PKP3: variants seen among roughly 807,000 people sequenced by gnomAD.
The protein encoded by PKP3 is plakophilin-3.
PKP3 carries 66 observed loss-of-function variants against 76.5 expected under a neutral mutation model. The observed-to-expected ratio is 0.86, with a 90% CI of 0.71 to 1.06. The LOEUF (loss-of-function observed/expected upper bound fraction) is 1.06, where lower values mean the gene tolerates loss of function less well. Among genes scored for constraint, PKP3 ranks in the 50% least tolerant of loss-of-function variants. The pLI, the probability that PKP3 is intolerant of heterozygous loss-of-function variation, is 0.00. For missense variants in PKP3, 1,338 were observed against 1,141.0 expected (o/e 1.17, Z -2.49); for synonymous variants, 638 against 516.5 (o/e 1.24, Z -3.19).
chr11:394,844 C>G (rs1847025002), intron 1 of PKP3, among the ~76,000 whole-genome samples: 1 of 152,196 alleles, frequency 6.6e-6, no homozygotes, highest in Admixed American at 6.5e-5. Flanking sequence ...TCGGCAAACC[C>G]GGAACACGCA....
At chr11:394,113 C>A (rs1847010556), upstream of PKP3, 2 of 967,346 alleles carry the variant, frequency 2.1e-6, no homozygotes, top group East Asian at 6.8e-5. Flanking sequence ...CCCTCCCTCC[C>A]ACCTGGCCAG....
At position 400,630 on chromosome 11, in the gene PKP3, C is replaced by G. The variant is rs1397121753; in HGVS notation, c.1662C>G (p.Gly554=). The part of the protein sequence containing the change: ...PSALQRLEGR[G]RRDLAGAPPG... ...CGCTGCAGCGGCTGGAGGGTCGCGGCCGCAGGGACCTGGCGGGGGCGCCGC... is the reference window on the plus strand; with the variant it reads ...CGCTGCAGCGGCTGGAGGGTCGCGGGCGCAGGGACCTGGCGGGGGCGCCGC... Residue 554 remains glycine, a synonymous_variant, in exon 8 of 13, where the codon GGC becomes GGG. Coordinates refer to ENST00000331563, the MANE Select transcript of PKP3 (RefSeq NM_007183.4). 1.4e-6 allele frequency: 2 copies of G among 1,405,352 alleles called. No homozygotes were observed. Among genetic ancestry groups the G allele is most frequent in the Non-Finnish European group, 1.8e-6 (2 of 1,088,896 alleles). The allele number at this position is 1,405,352 out of a possible 1,614,324, so 87.1% of individuals were successfully genotyped here.
rs765564965 is a variant in PKP3 at position 404,021 on chromosome 11, T to C, written c.2156T>C (p.Val719Ala). Residue 719 changes from valine (V) to alanine (A), a missense_variant, in exon 11 of 13, where the codon GTC (valine) becomes GCC (alanine). Physicochemically the swap from Val to Ala is moderately conservative, Grantham distance 64. Coordinates refer to ENST00000331563, the MANE Select transcript of PKP3 (RefSeq NM_007183.4). The surrounding 1 kb of genome is among the most constrained non-coding windows in gnomAD (Gnocchi z 4.2). ...AAGTCGCCCCCAGCCGAGGTGCTGG[T>C]CAACATCATAGCTGTGCTCAACAAC... ...GEKSPPAEVL[V>A]NIIAVLNNLV... 6.3e-5 allele frequency: 102 copies of C among 1,612,006 alleles called. No homozygotes were observed. The highest frequency in any genetic ancestry group is 8.6e-5 in the Non-Finnish European group (101 of 1,179,522).
chr11:394,920 C>T (rs972638496), intron 1 of PKP3, among the ~76,000 whole-genome samples: 1 of 152,146 alleles, frequency 6.6e-6, no homozygotes, highest in African/African-American at 2.4e-5. Context: ...CCACGCTCCT[C>T]CCATACCTCA....
chr11:403,383 G>T, intron 9 of PKP3, 120 bp downstream of exon 9: 1 of 944,164 alleles, frequency 1.1e-6, no homozygotes, highest in Non-Finnish European at 1.5e-6. Flanking sequence ...AGCCTCGGAG[G>T]TCAGCGTCCC....
chr11:400,375 G>C lies in PKP3; in HGVS notation c.1490G>C (p.Arg497Pro). The change falls in exon 7 of 13, where the codon CGG (arginine) becomes CCG (proline). Residue 497 changes from arginine to proline, a missense_variant. Coordinates refer to ENST00000331563, the MANE Select transcript of PKP3 (RefSeq NM_007183.4). The part of the protein sequence containing the change: ...SASQATRQKM[R>P]ECHGLVDALV... Reference sequence around the variant, plus strand: ...TCTCAGGCCACTCGCCAGAAGATGCGGGAGTGCCACGGGCTGGTGGACGCC... The same window carrying C: ...TCTCAGGCCACTCGCCAGAAGATGCCGGAGTGCCACGGGCTGGTGGACGCC... 1 of 1,549,492 alleles carries C rather than the reference G, an allele frequency of 6.5e-7. No individual in the cohort carries two copies. Among genetic ancestry groups the C allele is most frequent in the South Asian group, 1.2e-5 (1 of 84,086 alleles).
chr11:393,419 A>C (rs879319804), upstream of PKP3: 2 of 151,798 alleles, frequency 1.3e-5, no homozygotes, highest in Non-Finnish European at 2.9e-5. Context: ...ACCCTGACTC[A>C]TGTGCTGGGA....
chr11:399,735 G>A (rs1009019444), intron 5 of PKP3, among the ~76,000 whole-genome samples: 9 of 150,184 alleles, frequency 6.0e-5, no homozygotes, highest in South Asian at 4.3e-4. Flanking sequence ...CCTTGGAGCC[G>A]CCTGCACTGC....
chr11:396,794 C>T lies in PKP3; in HGVS notation c.313-20C>T, dbSNP rs78026069. 1.1e-3 allele frequency: 1,666 copies of T among 1,566,620 alleles called. 8 individuals carry two copies. In the African/African-American group the frequency reaches 0.02, roughly 19 times the overall value. ...CAGGTGAGCCCAGGCACGCCCTCAC[C>T]GCCCCCTCTCGACCCACAGGGCTTC... On this transcript the variant is annotated intron_variant, in intron 2 of 12. Transcript: ENST00000331563.
chr11:400,516 C>T lies in PKP3; in HGVS notation c.1567-19C>T, dbSNP rs778062649. ...CCGCCGCTCTGACCCGCGCCCCTGCCCCGCGCCCCCGCCCGCAGAGCGTGG... is the reference window on the plus strand; with the variant it reads ...CCGCCGCTCTGACCCGCGCCCCTGCTCCGCGCCCCCGCCCGCAGAGCGTGG... On this transcript the variant is annotated intron_variant, in intron 7 of 12. Transcript: ENST00000331563. 19 of 1,492,344 alleles carry T rather than the reference C, an allele frequency of 1.3e-5. No individual in the cohort carries two copies. The highest frequency in any genetic ancestry group is 4.9e-5 in the Admixed American group (2 of 41,192). 92.4% of individuals were successfully genotyped at this position (1,492,344 alleles called of 1,614,324 possible).
upstream of PKP3, chr11:394,161 C>T (rs979703384): frequency 3.8e-6 from 5 of 1,321,210 alleles, no homozygotes; most frequent in Middle Eastern, 2.5e-4. Flanking sequence ...GCTGGGCAGG[C>T]GTCTGTCTTC....
At position 400,077 on chromosome 11, in the gene PKP3, C is replaced by A. The variant is rs371435693; in HGVS notation, c.1384C>A (p.Pro462Thr). 25 of 1,591,286 alleles carry A rather than the reference C, an allele frequency of 1.6e-5. No homozygotes were observed. Among genetic ancestry groups the A allele is most frequent in the African/African-American group, 2.7e-5 (2 of 73,904 alleles). ...VLSPLSGAGG[P>T]PLIQQNASEA... ...GAGCCCCCTGTCGGGGGCTGGGGGT[C>A]CCCCCCTCATCCAGCAGAACGCCTC... The change falls in exon 6 of 13, where the codon CCC becomes ACC. Residue 462 changes from proline to threonine, a missense_variant. Transcript: ENST00000331563.
At position 397,680 on chromosome 11, in the gene PKP3, CCA is replaced by C. The variant is rs1399040194; in HGVS notation, c.1068+20_1068+21del. The C allele has an allele frequency of 4.4e-6, 7 of 1,605,932 alleles. No homozygotes were observed. Among genetic ancestry groups the C allele is most frequent in the Non-Finnish European group, 6.0e-6 (7 of 1,175,936 alleles). On this transcript the variant is annotated intron_variant, in intron 4 of 12. Coordinates refer to ENST00000331563, the MANE Select transcript of PKP3 (RefSeq NM_007183.4). ...AGAAGCAGGTGACCACCCCGACCAC[CCA>C]CTCGCTGCCCCCTGGTGACCTCCTT...
chr11:398,053 TGC>T (rs2133598056), intron 4 of PKP3, among the ~76,000 whole-genome samples: 4 of 66,348 alleles, frequency 6.0e-5, no homozygotes, highest in African/African-American at 2.1e-4. Context: ...CGCACACACC[TGC>T]GTCACCTCCG....
Position 399,094 on chromosome 11 carries a change from G to T in PKP3, c.1171G>T (p.Asp391Tyr). The T allele has an allele frequency of 6.2e-7, 1 of 1,611,932 alleles. No homozygotes were observed. Among genetic ancestry groups the T allele is most frequent in the Non-Finnish European group, 8.5e-7 (1 of 1,179,434 alleles). ...AGGTGCCATGCGCAACCTCATCTACGACAACGCTGACAACAAGCTGGCCCT... is the reference window on the plus strand; with the variant it reads ...AGGTGCCATGCGCAACCTCATCTACTACAACGCTGACAACAAGCTGGCCCT... The part of the protein sequence containing the change: ...ATGAMRNLIY[D>Y]NADNKLALVE... The change falls in exon 5 of 13, where the codon GAC becomes TAC. Residue 391 changes from aspartate (D) to tyrosine (Y), a missense_variant. Coordinates refer to ENST00000331563, the MANE Select transcript of PKP3 (RefSeq NM_007183.4).
upstream of PKP3, chr11:392,699 C>G: frequency 7.8e-7 from 1 of 1,286,564 alleles, no homozygotes; most frequent in Non-Finnish European, 1.0e-6. Context: ...GGATCCGGAC[C>G]ACGAGCCGGG....
Position 399,141 on chromosome 11 carries a change from C to G in PKP3, c.1218C>G (p.Phe406Leu). The change falls in exon 5 of 13, where the codon TTC becomes TTG. Residue 406 changes from phenylalanine to leucine, a missense_variant. Transcript: ENST00000331563. ...KLALVEENGI[F>L]ELLRTLREQD... ...CCCTGGTGGAGGAGAACGGGATCTT[C>G]GAGCTGCTGCGGACACTGCGGGAGC... 6.2e-7 allele frequency: 1 copy of G among 1,611,722 alleles called. No individual in the cohort carries two copies. Among genetic ancestry groups the G allele is most frequent in the South Asian group, 1.1e-5 (1 of 91,038 alleles).
At position 404,007 on chromosome 11, in the gene PKP3, A is replaced by C; in HGVS notation, c.2142A>C (p.Pro714=). ...LPGSVGEKSP[P]AEVLVNIIAV... is the part of the protein sequence containing the mutation. ...GCAGCGTGGGTGAGAAGTCGCCCCCAGCCGAGGTGCTGGTCAACATCATAG... is the reference window on the plus strand; with the variant it reads ...GCAGCGTGGGTGAGAAGTCGCCCCCCGCCGAGGTGCTGGTCAACATCATAG... Residue 714 remains proline, a synonymous_variant, in exon 11 of 13, where the codon CCA becomes CCC. Coordinates refer to ENST00000331563, the MANE Select transcript of PKP3 (RefSeq NM_007183.4). This position sits in a 1 kb window ranked among gnomAD's most constrained non-coding sequence, Gnocchi z 4.2. The C allele has an allele frequency of 6.2e-7, 1 of 1,611,790 alleles. No homozygotes were observed. Among genetic ancestry groups the C allele is most frequent in the South Asian group, 1.1e-5 (1 of 91,028 alleles).
rs147657735 is a variant in PKP3 at position 403,658 on chromosome 11, G to C, written c.1964G>C (p.Arg655Pro). Reference sequence around the variant, plus strand: ...AGCCGCCTGGCCCTGGAGCAGGAGCGTATTCTGAACCCCCTGCTAGACCGT... The same window carrying C: ...AGCCGCCTGGCCCTGGAGCAGGAGCCTATTCTGAACCCCCTGCTAGACCGT... The part of the protein sequence containing the change: ...VLSRLALEQE[R>P]ILNPLLDRVR... Residue 655 changes from arginine to proline, a missense_variant, in exon 10 of 13, where the codon CGT becomes CCT. Coordinates refer to ENST00000331563, the MANE Select transcript of PKP3 (RefSeq NM_007183.4). 2,148 of 1,609,540 alleles carry C rather than the reference G, an allele frequency of 1.3e-3. 2 individuals are homozygous for C. Among genetic ancestry groups the C allele is most frequent in the Non-Finnish European group, 1.7e-3 (1,957 of 1,179,796 alleles).
Sources: allele counts gnomAD v4.1 joint callset (sites outside exome capture counted in the v4.1 genomes callset), GRCh38; gene constraint gnomAD v4.1.1; non-coding constraint Gnocchi (gnomAD v3.1); transcripts MANE v1.5; gene names NCBI Gene and HGNC (gene_info 2026-07-23, HGNC 2026-07-21).